The following CFAP20DC variants were observed in gnomAD, a reference collection of about 807,000 sequenced individuals.
CFAP20DC encodes the protein protein CFAP20DC.
A neutral mutation model predicts 101.7 loss-of-function variants in CFAP20DC; 84 were observed. The observed-to-expected ratio is 0.83, with a 90% CI of 0.69 to 0.99. The LOEUF (loss-of-function observed/expected upper bound fraction) is 0.99. CFAP20DC is among the 50% of genes least tolerant of loss of function. CFAP20DC has a pLI of 0.00. For missense variants in CFAP20DC, 1,007 were observed against 970.3 expected (o/e 1.04, Z -0.50); for synonymous variants, 359 against 351.2 (o/e 1.02, Z -0.25).
At position 58,869,400 on chromosome 3, in the gene CFAP20DC, G is replaced by A. The variant is rs1016034783; in HGVS notation, c.943C>T (p.Leu315=). Residue 315 remains leucine (L), a synonymous_variant, in exon 9 of 17, where the codon CTG becomes TTG. Transcript: ENST00000482387. This position sits in a 1 kb window ranked among gnomAD's most constrained non-coding sequence, Gnocchi z 4.3. ...CCTTGTTCCTCAGACTCAGGTATCA[G>A]CAAGGCTGACATTTCTGTACCATTA... ...CVNGTEMSAL[L]IPESEEQGNK... 1 of 1,613,582 alleles carries A rather than the reference G, an allele frequency of 6.2e-7. No individual in the cohort carries two copies. Among genetic ancestry groups the A allele is most frequent in the Non-Finnish European group, 8.5e-7 (1 of 1,179,702 alleles).
chr3:58,946,737 G>A (rs1429754655), intron 4 of CFAP20DC, among the ~76,000 whole-genome samples: 7 of 152,122 alleles, frequency 4.6e-5, no homozygotes, highest in Non-Finnish European at 8.8e-5. Context: ...GAGAGGAAAC[G>A]CAGAAGAAAG....
chr3:59,004,136 T>C (rs921132418), intron 4 of CFAP20DC, among the ~76,000 whole-genome samples: 6 of 152,142 alleles, frequency 3.9e-5, no homozygotes, highest in African/African-American at 1.4e-4. Context: ...AGAAAGAACA[T>C]AAACTCCATG....
chr3:58,780,165 A>G (rs2071693176), intron 15 of CFAP20DC, among the ~76,000 whole-genome samples: 1 of 152,162 alleles, frequency 6.6e-6, no homozygotes, highest in Non-Finnish European at 1.5e-5. Flanking sequence ...TCAGACAAGC[A>G]AAAGCTGAGG....
intron 14 of CFAP20DC, among the ~76,000 whole-genome samples, chr3:58,808,086 G>C (rs2074263279): frequency 6.6e-6 from 1 of 152,216 alleles, no homozygotes; most frequent in African/African-American, 2.4e-5. Flanking sequence ...ATCTATGTAT[G>C]ATTGGTGTAC....
intron 4 of CFAP20DC, among the ~76,000 whole-genome samples, chr3:58,947,062 G>C (rs142653138): frequency 2.0e-5 from 3 of 152,196 alleles, no homozygotes; most frequent in East Asian, 3.9e-4. Flanking sequence ...AGCCTAAAAT[G>C]ATGAGGCAAG....
rs115753095 is a variant in CFAP20DC at position 58,919,044 on chromosome 3, T to C, written c.394-5180A>G. On this transcript the variant is annotated intron_variant, in intron 5 of 16. Transcript: ENST00000482387. ...TCATACTCCTGCATACCACCACCCA[T>C]CAAGACATAGGATGTTTTAATTGCC... 1.9e-3 allele frequency among the ~76,000 whole-genome samples: 288 copies of C among 152,242 alleles called. 1 individual carries two copies. Among genetic ancestry groups the C allele is most frequent in the African/African-American group, 6.8e-3 (281 of 41,562 alleles).
intron 6 of CFAP20DC, among the ~76,000 whole-genome samples, chr3:58,904,294 T>C (rs2083408176): frequency 6.6e-6 from 1 of 151,962 alleles, no homozygotes; most frequent in Non-Finnish European, 1.5e-5. Context: ...TTATAAATAA[T>C]ATTTTATAAA....
chr3:58,896,082 G>A (rs374347253), intron 6 of CFAP20DC, among the ~76,000 whole-genome samples: 37 of 152,130 alleles, frequency 2.4e-4, no homozygotes, highest in Non-Finnish European at 3.7e-4. Flanking sequence ...CTTGTTATTC[G>A]CCTGTTCAGT....
At chr3:58,758,534 T>C (rs1256757343) in intron 15 of CFAP20DC, among the ~76,000 whole-genome samples, 1 of 151,968 alleles carries the variant, frequency 6.6e-6, no homozygotes, top group Non-Finnish European at 1.5e-5. Context: ...CTATAATCCT[T>C]ATTTATTTAT....
chr3:58,875,547 A>G (rs1321358433), intron 7 of CFAP20DC, among the ~76,000 whole-genome samples: 2 of 152,126 alleles, frequency 1.3e-5, no homozygotes, highest in African/African-American at 2.4e-5. Flanking sequence ...CTGGGAGCTC[A>G]ATGTTCAGCT....
At chr3:58,737,283 C>T (rs1559529033), downstream of CFAP20DC, 18 of 455,890 alleles carry the variant, frequency 3.9e-5, no homozygotes, top group South Asian at 2.6e-4. This position sits in a 1 kb window ranked among gnomAD's most constrained non-coding sequence, Gnocchi z 4.1. Context: ...AACCACCCCC[C>T]ACCCCACTAC....
intron 12 of CFAP20DC, among the ~76,000 whole-genome samples, chr3:58,850,913 A>G (rs2078170305): frequency 1.3e-5 from 2 of 152,282 alleles, no homozygotes; most frequent in Non-Finnish European, 2.9e-5. Flanking sequence ...CACACTCAAC[A>G]TAATGGTGGC....
At chr3:58,980,405 AAG>A (rs1424532167) in intron 4 of CFAP20DC, among the ~76,000 whole-genome samples, 3 of 152,196 alleles carry the variant, frequency 2.0e-5, no homozygotes, top group Non-Finnish European at 4.4e-5. Context: ...ACAACAAAAA[AAG>A]AGAATTTTAG....
chr3:59,042,150 G>A (rs561842767), intron 3 of CFAP20DC, among the ~76,000 whole-genome samples: 11 of 152,028 alleles, frequency 7.2e-5, no homozygotes, highest in African/African-American at 1.9e-4. Context: ...CTGGGCAAGC[G>A]GGATGGGTGT....
At chr3:58,762,143 A>G (rs1193391249) in intron 15 of CFAP20DC, among the ~76,000 whole-genome samples, 1 of 152,166 alleles carries the variant, frequency 6.6e-6, no homozygotes, top group African/African-American at 2.4e-5. Context: ...GGGGTGTTAA[A>G]GTCTCCCATT....
intron 5 of CFAP20DC, among the ~76,000 whole-genome samples, chr3:58,920,583 T>A (rs984707643): frequency 6.6e-6 from 1 of 152,218 alleles, no homozygotes. Context: ...TTTCTCTGTA[T>A]CTATTGAGAT....
chr3:58,763,357 C>T lies in CFAP20DC; in HGVS notation c.2238-9494G>A, dbSNP rs551071188. On this transcript the variant is annotated intron_variant, in intron 15 of 16. Transcript: ENST00000482387. Reference sequence around the variant, plus strand: ...GCTACTGAGGCTTGTGTATTCATCACGTAGTTCTTGTGCCTTGGTTTTCAG... The same window carrying T: ...GCTACTGAGGCTTGTGTATTCATCATGTAGTTCTTGTGCCTTGGTTTTCAG... Among the ~76,000 whole-genome samples the T allele has an allele frequency of 3.9e-5, 6 of 152,236 alleles. No homozygotes were observed. In the East Asian group the frequency reaches 9.6e-4, roughly 24 times the overall value.
In CFAP20DC at chr3:58,868,295, A is replaced by T. The variant is rs2108508082; in HGVS notation, c.1016-359T>A. Reference sequence around the variant, plus strand: ...TCTTCCTTTAAAAGAGGAAGTGTCGATAACTATACTTTCAACAAGAGCATA... The same window carrying T: ...TCTTCCTTTAAAAGAGGAAGTGTCGTTAACTATACTTTCAACAAGAGCATA... On this transcript the variant is annotated intron_variant, in intron 9 of 16. Coordinates refer to ENST00000482387, the MANE Select transcript of CFAP20DC (RefSeq NM_001394063.1). The surrounding 1 kb of genome is among the most constrained non-coding windows in gnomAD (Gnocchi z 4.6). Among the ~76,000 whole-genome samples, 1 of 152,314 alleles carries T rather than the reference A, an allele frequency of 6.6e-6. No individual in the cohort carries two copies. The highest frequency in any genetic ancestry group is 2.1e-4 in the South Asian group (1 of 4,826).
intron 4 of CFAP20DC, among the ~76,000 whole-genome samples, chr3:58,973,463 G>A (rs752670318): frequency 2.6e-5 from 4 of 152,118 alleles, no homozygotes; most frequent in East Asian, 1.9e-4. Context: ...TGGTCTCCCT[G>A]CTTCCATTCT....
Sources: allele counts gnomAD v4.1 joint callset (sites outside exome capture counted in the v4.1 genomes callset), GRCh38; gene constraint gnomAD v4.1.1; non-coding constraint Gnocchi (gnomAD v3.1); transcripts MANE v1.5; gene names NCBI Gene and HGNC (gene_info 2026-07-23, HGNC 2026-07-21).